The following NCF2 variants were observed in gnomAD, a reference collection of about 807,000 sequenced individuals.
The protein encoded by NCF2 is neutrophil cytosolic factor 2.
A neutral mutation model predicts 70.9 loss-of-function variants in NCF2; 45 were observed. The ratio of observed to expected loss-of-function variants is 0.63; its 90% CI spans 0.50 to 0.81. The LOEUF is 0.81. Ranked by LOEUF, NCF2 falls within the 40% of genes least tolerant of loss-of-function variation. NCF2 has a pLI of 0.00. For missense variants in NCF2, 522 were observed against 631.6 expected, an observed-to-expected ratio of 0.83 and a Z score of 1.86; for synonymous variants, 203 against 233.6, an observed-to-expected ratio of 0.87 and a Z score of 1.19.
intron 7 of NCF2, among the ~76,000 whole-genome samples, chr1:183,567,992 G>A (rs2102892614): frequency 6.6e-6 from 1 of 152,192 alleles, no homozygotes; most frequent in Middle Eastern, 3.4e-3. Flanking sequence ...CTGGTGTTCA[G>A]GTTTCAGGCT....
upstream of NCF2, among the ~76,000 whole-genome samples, chr1:183,591,055 C>T (rs1390567918): frequency 1.3e-5 from 2 of 152,260 alleles, no homozygotes; most frequent in Non-Finnish European, 2.9e-5. Flanking sequence ...CCCAGACTCA[C>T]CCGCACTGGG....
At chr1:183,598,852 G>GT in the NCF2 span, among the ~76,000 whole-genome samples, 2 of 152,202 alleles carry the variant, frequency 1.3e-5, no homozygotes, top group African/African-American at 4.8e-5. Context: ...GATAGAATTT[G>GT]TAAGTGTGAT....
At chr1:183,569,098 C>T in intron 7 of NCF2, 44 bp downstream of exon 7, 1 of 1,584,136 alleles carries the variant, frequency 6.3e-7, no homozygotes, top group Non-Finnish European at 8.7e-7. Flanking sequence ...TCAGCTCAGG[C>T]TTGGCGCTTG....
the NCF2 span, among the ~76,000 whole-genome samples, chr1:183,601,702 A>G: frequency 1.2e-4 from 18 of 151,976 alleles, no homozygotes; most frequent in Non-Finnish European, 2.2e-4. Context: ...CTAAAAATAC[A>G]AAAAAATTAG....
the NCF2 span, among the ~76,000 whole-genome samples, chr1:183,597,506 G>T: frequency 6.6e-6 from 1 of 152,158 alleles, no homozygotes; most frequent in Non-Finnish European, 1.5e-5. Context: ...GTGTAGGTTT[G>T]TCACGTGGTA....
At chr1:183,573,385 T>G in intron 4 of NCF2, 93 bp from the exon 5 acceptor site, 1 of 1,147,522 alleles carries the variant, frequency 8.7e-7, no homozygotes, top group South Asian at 1.2e-5. Context: ...AAGAATTCAT[T>G]GAGATAACCA....
intron 10 of NCF2, among the ~76,000 whole-genome samples, chr1:183,564,701 A>G (rs754618147): frequency 6.6e-6 from 1 of 152,230 alleles, no homozygotes; most frequent in Admixed American, 6.5e-5. Context: ...TCCTAGGTTT[A>G]TATGTGATCC....
upstream of NCF2, among the ~76,000 whole-genome samples, chr1:183,592,623 A>G (rs1172194812): frequency 6.6e-6 from 1 of 152,248 alleles, no homozygotes; most frequent in Non-Finnish European, 1.5e-5. Flanking sequence ...GATGGCAGAA[A>G]GAGGTATTGC....
At chr1:183,594,704 G>A (rs1308195643), upstream of NCF2, among the ~76,000 whole-genome samples, 2 of 152,148 alleles carry the variant, frequency 1.3e-5, no homozygotes, top group South Asian at 2.1e-4. Context: ...TTCCAAATAA[G>A]CAAGATTTGC....
intron 7 of NCF2, 37 bp from the exon 8 acceptor site, chr1:183,567,382 C>T (rs1672357038): frequency 3.1e-6 from 5 of 1,612,622 alleles, no homozygotes; most frequent in Non-Finnish European, 2.5e-6. Context: ...CCCCCATCCC[C>T]TCACATGATG....
rs1188767007 is a variant in NCF2, at chr1:183,556,071, A to G, written c.*47T>C. The G allele has an allele frequency of 1.3e-6, 2 of 1,496,902 alleles. No individual in the cohort carries two copies. The highest frequency in any genetic ancestry group is 1.9e-6 in the Non-Finnish European group (2 of 1,073,256). 92.7% of individuals were successfully genotyped at this position (1,496,902 alleles called of 1,614,324 possible). On this transcript the variant is annotated 3_prime_UTR_variant, in exon 15 of 15. Coordinates refer to ENST00000367535, the MANE Select transcript of NCF2 (RefSeq NM_000433.4). ...CAGAAGGGTGCTAAATCTTACAAAC[A>G]AGTAATAGGGCTTCATTTTCTTCAG...
At position 183,570,749 on chromosome 1, in the gene NCF2, AGGTCCATGGAGAAGGT is replaced by A; in HGVS notation, c.669+15_669+30del. 1 of 1,608,966 alleles carries A rather than the reference AGGTCCATGGAGAAGGT, an allele frequency of 6.2e-7. No homozygotes were observed. Among genetic ancestry groups the A allele is most frequent in the Non-Finnish European group, 8.5e-7 (1 of 1,175,280 alleles). On this transcript the variant is annotated intron_variant, in intron 6 of 14. Transcript: ENST00000367535. ...GCTTCACAGAAAGCTCTCGAGACCTAGGTCCATGGAGAAGGTCAGGACTGCCTTACCTGTGGTTGCA... is the reference window on the plus strand; with the variant it reads ...GCTTCACAGAAAGCTCTCGAGACCTACAGGACTGCCTTACCTGTGGTTGCA...
upstream of NCF2, among the ~76,000 whole-genome samples, chr1:183,592,943 C>G (rs1234865108): frequency 1.3e-5 from 2 of 152,146 alleles, no homozygotes; most frequent in Non-Finnish European, 2.9e-5. Context: ...CATGTCTGCA[C>G]CTTCAAACCC....
intron 14 of NCF2, among the ~76,000 whole-genome samples, chr1:183,558,721 C>A (rs1332680297): frequency 6.6e-6 from 1 of 151,922 alleles, no homozygotes; most frequent in Non-Finnish European, 1.5e-5. Context: ...TGCATCACCA[C>A]GCCCAGCTAA....
chr1:183,588,688 A>G (rs1037629394), intron 1 of NCF2, among the ~76,000 whole-genome samples: 5 of 152,226 alleles, frequency 3.3e-5, no homozygotes, highest in African/African-American at 9.6e-5. Flanking sequence ...TTAAAATGAT[A>G]ATGAATAAGA....
At chr1:183,575,289 G>A (rs1158989251) in intron 3 of NCF2, among the ~76,000 whole-genome samples, 1 of 152,234 alleles carries the variant, frequency 6.6e-6, no homozygotes, top group African/African-American at 2.4e-5. Flanking sequence ...GGCCAACATG[G>A]AGAAACCCTG....
At chr1:183,565,583 C>G (rs1340500931) in intron 10 of NCF2, 121 bp downstream of exon 10, 19 of 986,124 alleles carry the variant, frequency 1.9e-5, no homozygotes, top group Non-Finnish European at 2.7e-5. Context: ...TGGTCATTAG[C>G]TGAGTGACAT....
At chr1:183,592,769 C>T (rs12066221), upstream of NCF2, among the ~76,000 whole-genome samples, 1 of 152,190 alleles carries the variant, frequency 6.6e-6, no homozygotes, top group African/African-American at 2.4e-5. Context: ...CACCCTGACA[C>T]TCAGAACTCT....
the NCF2 span, among the ~76,000 whole-genome samples, chr1:183,599,450 CTTT>C: frequency 1.7e-3 from 154 of 91,322 alleles, no homozygotes; most frequent in Middle Eastern, 0.013. Flanking sequence ...TTCTTTCTTT[CTTT>C]CTTTCTTTCT....
Sources: gnomAD v4.1 joint callset for allele counts (sites outside exome capture counted in the v4.1 genomes callset) on GRCh38, gnomAD v4.1.1 for gene constraint, MANE v1.5 for transcripts, NCBI Gene and HGNC (gene_info 2026-07-23, HGNC 2026-07-21) for gene names.